Variants in SNX8 observed in about 807,000 individuals in gnomAD.
The protein encoded by SNX8 is sorting nexin 8.
In SNX8, 25 loss-of-function variants were observed where a neutral mutation model predicts 51.6. That is an observed-to-expected ratio of 0.48 (90% CI 0.35 to 0.68). The LOEUF is 0.68. Among genes scored for constraint, SNX8 ranks in the 30% least tolerant of loss-of-function variants. The pLI is 0.00. For synonymous variants in SNX8, 324 were observed against 277.0 expected (o/e 1.17, Z -1.68); for missense variants, 695 against 624.0 (o/e 1.11, Z -1.21).
intron 3 of SNX8, among the ~76,000 whole-genome samples, chr7:2,272,687 T>C (rs984012119): frequency 4.6e-5 from 7 of 151,880 alleles, no homozygotes; most frequent in African/African-American, 1.2e-4. Context: ...AGTTTTTCTA[T>C]TCACTGTGCT....
intron 1 of SNX8, among the ~76,000 whole-genome samples, chr7:2,350,567 G>A (rs1246870418): frequency 6.6e-6 from 1 of 152,194 alleles, no homozygotes; most frequent in Admixed American, 6.6e-5. Context: ...ACTTTGGGAG[G>A]CCAACGCAGA....
intron 1 of SNX8, among the ~76,000 whole-genome samples, chr7:2,349,673 G>T (rs924954485): frequency 1.5e-4 from 23 of 152,028 alleles, no homozygotes; most frequent in Admixed American, 1.5e-3. Context: ...CTGCCTTCAA[G>T]AGATCTGCCC....
chr7:2,319,195 C>T (rs1021783770), upstream of SNX8, among the ~76,000 whole-genome samples: 9 of 150,346 alleles, frequency 6.0e-5, no homozygotes, highest in African/African-American at 2.2e-4. Context: ...AAAACTTAGC[C>T]GGGTGTTGTG....
At chr7:2,349,370 T>C (rs1779096753) in intron 1 of SNX8, among the ~76,000 whole-genome samples, 1 of 152,074 alleles carries the variant, frequency 6.6e-6, no homozygotes, top group Non-Finnish European at 1.5e-5. Flanking sequence ...ATTTTCCTTT[T>C]TTAAGTGTTA....
intron 1 of SNX8, among the ~76,000 whole-genome samples, chr7:2,323,016 CTAAA>C (rs59691836): frequency 6.6e-6 from 1 of 150,742 alleles, no homozygotes; most frequent in Non-Finnish European, 1.5e-5. Context: ...GACTCTGTCT[CTAAA>C]TAAATAAATA....
chr7:2,319,061 G>A (rs763117936), upstream of SNX8, among the ~76,000 whole-genome samples: 8 of 151,922 alleles, frequency 5.3e-5, no homozygotes, highest in Non-Finnish European at 7.4e-5. Context: ...TAAATTGGCC[G>A]GATACGGTGG....
In SNX8 at chr7:2,257,039, C is replaced by T. The variant is rs1252245215; in HGVS notation, c.1135-16G>A. The stretch of plus-strand genomic sequence containing the variant: ...CGTTCTCCTGCTGCGGAGCAAACAG[C>T]CGCCTTTCGCACCCGGCCCAGCCGG... On this transcript the variant is annotated splice_polypyrimidine_tract_variant and intron_variant, in intron 9 of 10. Coordinates refer to ENST00000222990, the MANE Select transcript of SNX8 (RefSeq NM_013321.4). 2 of 1,588,108 alleles carry T rather than the reference C, an allele frequency of 1.3e-6. No individual in the cohort carries two copies. Among genetic ancestry groups the T allele is most frequent in the African/African-American group, 2.7e-5 (2 of 74,496 alleles).
At chr7:2,302,835 C>T (rs1454253202) in intron 1 of SNX8, among the ~76,000 whole-genome samples, 2 of 151,348 alleles carry the variant, frequency 1.3e-5, no homozygotes, top group African/African-American at 2.4e-5. Context: ...CCGGCCGCCC[C>T]GTCTGAGAAG....
chr7:2,270,398 G>C (rs143443331), intron 4 of SNX8, among the ~76,000 whole-genome samples: 1 of 149,930 alleles, frequency 6.7e-6, no homozygotes, highest in East Asian at 1.9e-4. Flanking sequence ...AGCCTGAGGC[G>C]GGAGGATCGC....
chr7:2,297,550 C>CAAAAAA (rs145543350), intron 1 of SNX8, among the ~76,000 whole-genome samples: 2,386 of 40,196 alleles, frequency 0.059, 397 homozygotes, highest in Non-Finnish European at 0.082. Context: ...AACCCCGCCG[C>CAAAAAA]AAAAAAAAAA....
chr7:2,285,007 T>C (rs990751788), intron 1 of SNX8, among the ~76,000 whole-genome samples: 10 of 151,696 alleles, frequency 6.6e-5, no homozygotes, highest in African/African-American at 1.9e-4. Flanking sequence ...GGTCAGGAGA[T>C]CGAGACCATC....
At chr7:2,309,255 A>C (rs62442536) in intron 1 of SNX8, among the ~76,000 whole-genome samples, 59,729 of 151,994 alleles carry the variant, frequency 0.39, 13,736 homozygotes, top group African/African-American at 0.65. Context: ...AGTGGGGTGG[A>C]TCACCCCTGT....
chr7:2,333,434 C>T (rs1179913089), intron 1 of SNX8, among the ~76,000 whole-genome samples: 1 of 151,980 alleles, frequency 6.6e-6, no homozygotes, highest in Non-Finnish European at 1.5e-5. Context: ...GTGGTGTGCG[C>T]GCCTGTAGTC....
chr7:2,302,973 C>A (rs918862866), intron 1 of SNX8, among the ~76,000 whole-genome samples: 1 of 151,580 alleles, frequency 6.6e-6, no homozygotes, highest in African/African-American at 2.4e-5. Flanking sequence ...AAGTGAGGAG[C>A]GTCTCCGCCC....
At chr7:2,321,451 G>C (rs1054780253) in intron 1 of SNX8, among the ~76,000 whole-genome samples, 9 of 149,858 alleles carry the variant, frequency 6.0e-5, no homozygotes, top group Admixed American at 1.3e-4. Flanking sequence ...TTTTGAGACG[G>C]AGTCTCCCTC....
chr7:2,294,657 T>TGAGCAG (rs1796231309), intron 1 of SNX8, among the ~76,000 whole-genome samples: 1 of 152,262 alleles, frequency 6.6e-6, no homozygotes, highest in East Asian at 1.9e-4. Context: ...CAAAAACATG[T>TGAGCAG]GAGCAGGAGC....
At chr7:2,339,372 AT>A (rs58324761) in intron 1 of SNX8, among the ~76,000 whole-genome samples, 2,463 of 147,068 alleles carry the variant, frequency 0.017, 60 homozygotes, top group African/African-American at 0.057. Flanking sequence ...CGCCCAGCTA[AT>A]TTTTTTTTTT....
At chr7:2,343,477 G>C (rs917228686) in intron 1 of SNX8, among the ~76,000 whole-genome samples, 10 of 151,632 alleles carry the variant, frequency 6.6e-5, no homozygotes, top group African/African-American at 2.2e-4. Flanking sequence ...AGATCGAGAC[G>C]ATCCTGGCTA....
chr7:2,334,849 C>G lies in SNX8; in HGVS notation c.-66+19373G>C, dbSNP rs951127421. On this transcript the variant is annotated intron_variant, in intron 1 of 5. Transcript: ENST00000435336. ...CACCACTGCACTCCAGCCTAGGCAA[C>G]AGAGTAAGAGCCCATCTCTGAAAAA... 4.5e-4 allele frequency among the ~76,000 whole-genome samples: 50 copies of G among 112,118 alleles called. 1 individual carries two copies. The highest frequency in any genetic ancestry group is 6.8e-4 in the Non-Finnish European group (40 of 59,212). 73.6% of individuals were successfully genotyped at this position (112,118 alleles called of 152,430 possible).
Sources: gnomAD v4.1 joint callset for allele counts (sites outside exome capture counted in the v4.1 genomes callset) on GRCh38, gnomAD v4.1.1 for gene constraint, MANE v1.5 for transcripts, NCBI Gene and HGNC (gene_info 2026-07-23, HGNC 2026-07-21) for gene names.